CEMIP: variants seen among roughly 807,000 people sequenced by gnomAD.
The protein encoded by CEMIP is cell migration-inducing and hyaluronan-binding protein.
A neutral mutation model predicts 156.9 loss-of-function variants in CEMIP; 105 were observed. That is an observed-to-expected ratio of 0.67 (90% CI 0.57 to 0.79). The LOEUF is 0.79. CEMIP is among the 30% of genes least tolerant of loss of function. The pLI, the probability that CEMIP is intolerant of heterozygous loss-of-function variation, is 0.00. For synonymous variants in CEMIP, 676 were observed against 668.4 expected (o/e 1.01, Z -0.17); for missense variants, 1,457 against 1,769.4 (o/e 0.82, Z 3.17).
At chr15:80,786,494 G>A (rs1325430039) in intron 1 of CEMIP, among the ~76,000 whole-genome samples, 1 of 151,782 alleles carries the variant, frequency 6.6e-6, no homozygotes, top group African/African-American at 2.4e-5. Context: ...CCAAAGTGCT[G>A]GGATTACAGG....
chr15:80,887,898 G>C, intron 8 of CEMIP, 134 bp downstream of exon 8: 1 of 754,380 alleles, frequency 1.3e-6, no homozygotes, highest in Non-Finnish European at 2.3e-6. Flanking sequence ...GTGAGCAGCC[G>C]CTTAACTGGC....
At chr15:80,927,050 C>T (rs544932657) in intron 19 of CEMIP, among the ~76,000 whole-genome samples, 38 of 152,332 alleles carry the variant, frequency 2.5e-4, no homozygotes, top group African/African-American at 8.9e-4. Flanking sequence ...AGGCTGGTCG[C>T]AAGCTCCTGA....
intron 12 of CEMIP, among the ~76,000 whole-genome samples, chr15:80,900,142 C>T (rs1189035303): frequency 6.6e-6 from 1 of 152,182 alleles, no homozygotes; most frequent in African/African-American, 2.4e-5. Context: ...TTGAGCAGGT[C>T]CTGACAAGGC....
rs1208677064 is a variant in CEMIP, at chr15:80,873,842, ACT to A, written c.-16-19_-16-18del. The A allele has an allele frequency of 4.6e-6, 7 of 1,530,798 alleles. No homozygotes were observed. The highest frequency in any genetic ancestry group is 6.2e-6 in the Non-Finnish European group (7 of 1,126,714). The allele number at this position is 1,530,798 out of a possible 1,614,324, so 94.8% of individuals were successfully genotyped here. On this transcript the variant is annotated intron_variant, in intron 2 of 29. Coordinates refer to ENST00000394685, the MANE Select transcript of CEMIP (RefSeq NM_001293298.2). ...CCAGCCTGCCAAGGCTGCATGTCTG[ACT>A]CTGTGTGCTTCTCTTTCAGGGAGCA...
At chr15:80,834,939 A>G (rs1048829556) in intron 1 of CEMIP, among the ~76,000 whole-genome samples, 1 of 152,190 alleles carries the variant, frequency 6.6e-6, no homozygotes, top group Non-Finnish European at 1.5e-5. Context: ...TCTTTCTCAA[A>G]AAAATATTTT....
intron 1 of CEMIP, among the ~76,000 whole-genome samples, chr15:80,780,028 G>C (rs1415775814): frequency 6.6e-6 from 1 of 151,772 alleles, no homozygotes; most frequent in East Asian, 2.0e-4. Flanking sequence ...TCGGTGTCCT[G>C]CCGACTGGGA....
chr15:80,878,635 T>A, intron 3 of CEMIP, 86 bp from the exon 4 acceptor site: 1 of 1,571,104 alleles, frequency 6.4e-7, no homozygotes, highest in East Asian at 2.2e-5. Context: ...GCCTTAAAGA[T>A]GCATGGGAGC....
At chr15:80,871,021 C>A (rs960838415) in intron 1 of CEMIP, among the ~76,000 whole-genome samples, 3 of 152,204 alleles carry the variant, frequency 2.0e-5, no homozygotes, top group Admixed American at 6.5e-5. Context: ...CTGAGGCCTT[C>A]AACAGCTGGA....
At chr15:80,879,988 T>A in intron 5 of CEMIP, 134 bp downstream of exon 5, 1 of 1,009,044 alleles carries the variant, frequency 9.9e-7, no homozygotes. Context: ...CAGATGGGGA[T>A]CATGAACAAG....
intron 14 of CEMIP, among the ~76,000 whole-genome samples, chr15:80,914,915 T>C (rs991468387): frequency 4.0e-5 from 6 of 151,288 alleles, no homozygotes; most frequent in African/African-American, 1.5e-4. Flanking sequence ...AATTCGATGG[T>C]TAGGGGGTCG....
At chr15:80,786,934 T>C (rs1368257177) in intron 1 of CEMIP, among the ~76,000 whole-genome samples, 1 of 152,190 alleles carries the variant, frequency 6.6e-6, no homozygotes, top group Non-Finnish European at 1.5e-5. Context: ...CTTGCATCCT[T>C]TTTCATTGAT....
At chr15:80,861,570 A>G (rs1897988717) in intron 1 of CEMIP, among the ~76,000 whole-genome samples, 2 of 152,212 alleles carry the variant, frequency 1.3e-5, no homozygotes, top group African/African-American at 4.8e-5. Context: ...AGAATGGGGA[A>G]AAAAGGGCCA....
At chr15:80,790,567 T>C (rs938986878) in intron 1 of CEMIP, among the ~76,000 whole-genome samples, 3 of 152,228 alleles carry the variant, frequency 2.0e-5, no homozygotes, top group African/African-American at 4.8e-5. Context: ...GCATCACTTA[T>C]GCAGCTCCAG....
At chr15:80,914,146 AC>A (rs1900174213) in intron 14 of CEMIP, among the ~76,000 whole-genome samples, 1 of 152,158 alleles carries the variant, frequency 6.6e-6, no homozygotes, top group Non-Finnish European at 1.5e-5. Flanking sequence ...ATGGGCCCCC[AC>A]TTCATCTTAA....
At chr15:80,827,720 G>A (rs1378831047) in intron 1 of CEMIP, among the ~76,000 whole-genome samples, 1 of 152,168 alleles carries the variant, frequency 6.6e-6, no homozygotes, top group Admixed American at 6.5e-5. Context: ...CTGAGAATTA[G>A]GAAAGGATGC....
Position 80,937,845 on chromosome 15 carries a change from C to T in CEMIP, c.3273C>T (p.Ser1091=), listed in dbSNP as rs1178648834. The change falls in exon 25 of 30, where the codon TCC becomes TCT. Residue 1091 remains serine (S), a synonymous_variant. Transcript: ENST00000394685. ...GLCYPRGTTF[S]ILSDVHNRLL... ...GCTACCCGCGAGGCACCACATTCTCCATCCTCTCGGATGTTCACAATCGCC... is the reference window on the plus strand; with the variant it reads ...GCTACCCGCGAGGCACCACATTCTCTATCCTCTCGGATGTTCACAATCGCC... The T allele has an allele frequency of 4.3e-6, 7 of 1,614,154 alleles. No homozygotes were observed. Among genetic ancestry groups the T allele is most frequent in the Non-Finnish European group, 5.1e-6 (6 of 1,180,058 alleles).
intron 12 of CEMIP, chr15:80,901,106 A>C: frequency 2.6e-6 from 1 of 382,390 alleles, no homozygotes; most frequent in Non-Finnish European, 5.3e-6. Context: ...TTGATTTTCC[A>C]CCCTGTTGTC....
In CEMIP at chr15:80,912,794, T is replaced by C. The variant is rs113577451; in HGVS notation, c.1797+3488T>C. On this transcript the variant is annotated intron_variant, in intron 14 of 29. Coordinates refer to ENST00000394685, the MANE Select transcript of CEMIP (RefSeq NM_001293298.2). ...GGAACTGGATGATCTCCATCAGTATTTTACATTTGCTTCCTTCATTTTGGC... is the reference window on the plus strand; with the variant it reads ...GGAACTGGATGATCTCCATCAGTATCTTACATTTGCTTCCTTCATTTTGGC... Among the ~76,000 whole-genome samples, 395 of 152,250 alleles carry C rather than the reference T, an allele frequency of 2.6e-3. 6 individuals carry two copies. Among genetic ancestry groups the C allele is most frequent in the Middle Eastern group, 0.01 (3 of 294 alleles).
At position 80,909,032 on chromosome 15, in the gene CEMIP, G is replaced by T. The variant is rs575166018; in HGVS notation, c.1588-65G>T. ...ATGCCTCTGCATCTTTGGAATATGG[G>T]CACCAGCCAGGGAAATCACAAAGCA... On this transcript the variant is annotated intron_variant, in intron 13 of 29. Coordinates refer to ENST00000394685, the MANE Select transcript of CEMIP (RefSeq NM_001293298.2). 49 of 1,473,792 alleles carry T rather than the reference G, an allele frequency of 3.3e-5. No individual in the cohort carries two copies. In the African/African-American group the frequency reaches 6.8e-4, roughly 20 times the overall value. 91.3% of individuals were successfully genotyped at this position (1,473,792 alleles called of 1,614,324 possible). A position where few individuals can be genotyped will look rare whatever the true frequency, so the allele number is the denominator to read the frequency against.
Sources: allele counts gnomAD v4.1 joint callset (sites outside exome capture counted in the v4.1 genomes callset), GRCh38; gene constraint gnomAD v4.1.1; transcripts MANE v1.5; gene names NCBI Gene and HGNC (gene_info 2026-07-23, HGNC 2026-07-21).